The following ATF7 variants were observed in gnomAD, a reference collection of about 807,000 sequenced individuals.
The protein encoded by ATF7 is cyclic AMP-dependent transcription factor ATF-7.
ATF7 carries 10 observed loss-of-function variants against 50.4 expected under a neutral mutation model. The ratio of observed to expected loss-of-function variants is 0.20; its 90% CI spans 0.12 to 0.34. The LOEUF is 0.34. Ranked by LOEUF, ATF7 falls within the 10% of genes least tolerant of loss-of-function variation. The pLI is 1.00. For synonymous variants in ATF7, 201 were observed against 226.4 expected, an observed-to-expected ratio of 0.89 and a Z score of 1.01; for missense variants, 465 against 613.9, an observed-to-expected ratio of 0.76 and a Z score of 2.56.
At chr12:53,556,056 T>TCCAC (rs1940733059) in intron 2 of ATF7, among the ~76,000 whole-genome samples, 1 of 152,108 alleles carries the variant, frequency 6.6e-6, no homozygotes, top group East Asian at 1.9e-4. Context: ...CCTCAGGTGA[T>TCCAC]CCACCCACCT....
At chr12:53,577,589 G>A (rs1413640385) in intron 2 of ATF7, among the ~76,000 whole-genome samples, 1 of 151,642 alleles carries the variant, frequency 6.6e-6, no homozygotes, top group East Asian at 1.9e-4. Flanking sequence ...AGTGGCGGGC[G>A]CCTGTAATCC....
At chr12:53,600,023 CAT>C (rs1943326738) in intron 2 of ATF7, among the ~76,000 whole-genome samples, 1 of 152,074 alleles carries the variant, frequency 6.6e-6, no homozygotes, top group South Asian at 2.1e-4. Flanking sequence ...ACAATATACA[CAT>C]ATGAATATAA....
intron 2 of ATF7, among the ~76,000 whole-genome samples, chr12:53,569,394 CTCTTA>C (rs1238376210): frequency 2.0e-5 from 3 of 152,196 alleles, no homozygotes; most frequent in Non-Finnish European, 4.4e-5. Flanking sequence ...ATCTGCTATT[CTCTTA>C]TATGTGGAAT....
At chr12:53,509,400 G>A (rs1272384402), downstream of ATF7, among the ~76,000 whole-genome samples, 4 of 152,030 alleles carry the variant, frequency 2.6e-5, no homozygotes, top group Admixed American at 6.6e-5. Context: ...ACTTCTACTC[G>A]GGGTCTTAGT....
At chr12:53,523,552 C>T (rs1231377026) in intron 10 of ATF7, among the ~76,000 whole-genome samples, 168 bp from the exon 11 acceptor site, 1 of 152,150 alleles carries the variant, frequency 6.6e-6, no homozygotes, top group Admixed American at 6.5e-5. Flanking sequence ...CCAGTATAGT[C>T]ATGAATTCAA....
intron 1 of ATF7, among the ~76,000 whole-genome samples, chr12:53,614,069 A>G (rs1399723994): frequency 2.0e-5 from 3 of 152,170 alleles, no homozygotes; most frequent in African/African-American, 7.2e-5. Context: ...ATTAGGCTGA[A>G]TCATAAGTTA....
intron 2 of ATF7, among the ~76,000 whole-genome samples, chr12:53,568,296 G>T (rs1941561371): frequency 6.6e-6 from 1 of 152,076 alleles, no homozygotes; most frequent in Non-Finnish European, 1.5e-5. Flanking sequence ...ATATATAACT[G>T]GAAGGTGAGG....
At chr12:53,531,938 T>G (rs1333433416) in intron 8 of ATF7, 42 bp from the exon 9 acceptor site, 1 of 1,606,924 alleles carries the variant, frequency 6.2e-7, no homozygotes. Flanking sequence ...AAGGATCAGA[T>G]TCTATCAAGG....
At chr12:53,565,009 T>C (rs1386676036) in intron 2 of ATF7, among the ~76,000 whole-genome samples, 1 of 151,832 alleles carries the variant, frequency 6.6e-6, no homozygotes, top group Non-Finnish European at 1.5e-5. Flanking sequence ...TGTTTTACAT[T>C]ATACAGACCA....
At chr12:53,527,206 A>T (rs747847776) in intron 9 of ATF7, among the ~76,000 whole-genome samples, 1 of 147,422 alleles carries the variant, frequency 6.8e-6, no homozygotes, top group Non-Finnish European at 1.5e-5. Context: ...ATGTGAGGCC[A>T]GGCGCAGTGG....
intron 2 of ATF7, among the ~76,000 whole-genome samples, chr12:53,595,718 T>C (rs1943124140): frequency 6.6e-6 from 1 of 152,176 alleles, no homozygotes; most frequent in Non-Finnish European, 1.5e-5. Flanking sequence ...ATTCCTATTA[T>C]ATGACAAGAT....
chr12:53,511,100 CTT>C (rs1944119163), downstream of ATF7, among the ~76,000 whole-genome samples: 1 of 152,224 alleles, frequency 6.6e-6, no homozygotes, highest in Non-Finnish European at 1.5e-5. Flanking sequence ...CCTGCTATCT[CTT>C]TTGTCAAATT....
intron 9 of ATF7, among the ~76,000 whole-genome samples, chr12:53,528,694 C>T (rs1358712982): frequency 6.6e-6 from 1 of 151,552 alleles, no homozygotes; most frequent in Non-Finnish European, 1.5e-5. Context: ...ACCAGGGAGG[C>T]GGAGGTTGCA....
Position 53,517,321 on chromosome 12 carries a change from G to T in ATF7, c.1268C>A (p.Ser423Tyr), listed in dbSNP as rs757702111. Residue 423 changes from serine to tyrosine, a missense_variant, in exon 12 of 12, where the codon TCT (serine) becomes TAT (tyrosine). Ser to Tyr is a moderately radical substitution (Grantham distance 144). Transcript: ENST00000420353. ...GCTGTGCTGAATCACAGGGGCTGGAGAACCCGTTGGCTCTGAGCTTTCCTT... is the reference window on the plus strand; with the variant it reads ...GCTGTGCTGAATCACAGGGGCTGGATAACCCGTTGGCTCTGAGCTTTCCTT... ...SPKESSEPTG[S>Y]PAPVIQHSSA... 5.0e-6 allele frequency: 8 copies of T among 1,613,824 alleles called. No individual in the cohort carries two copies. Among genetic ancestry groups the T allele is most frequent in the Non-Finnish European group, 6.8e-6 (8 of 1,179,902 alleles).
chr12:53,578,266 T>C (rs1178586343), intron 2 of ATF7, among the ~76,000 whole-genome samples: 1 of 149,874 alleles, frequency 6.7e-6, no homozygotes, highest in Admixed American at 6.8e-5. Flanking sequence ...CCTAGCTATT[T>C]GGGAGGCTGA....
At chr12:53,598,708 A>G (rs1167349543) in intron 2 of ATF7, among the ~76,000 whole-genome samples, 1 of 152,198 alleles carries the variant, frequency 6.6e-6, no homozygotes, top group Non-Finnish European at 1.5e-5. Flanking sequence ...AGACAGCCTG[A>G]AAAGGTGTTA....
intron 9 of ATF7, among the ~76,000 whole-genome samples, chr12:53,529,909 C>G (rs1238529129): frequency 2.0e-5 from 3 of 148,970 alleles, no homozygotes; most frequent in African/African-American, 7.4e-5. Context: ...CCTGGCTAAT[C>G]TTTGTATTTT....
At chr12:53,549,294 A>T (rs1191449527) in intron 3 of ATF7, among the ~76,000 whole-genome samples, 1 of 147,038 alleles carries the variant, frequency 6.8e-6, no homozygotes, top group Admixed American at 6.9e-5. Context: ...CTCAAAAAAA[A>T]AAAAGAAAGA....
chr12:53,595,037 A>T (rs1943097418), intron 2 of ATF7, among the ~76,000 whole-genome samples: 1 of 152,240 alleles, frequency 6.6e-6, no homozygotes, highest in Non-Finnish European at 1.5e-5. Context: ...AATAAGGTTT[A>T]GCATTTGGCC....
Sources: gnomAD v4.1 joint callset for allele counts (sites outside exome capture counted in the v4.1 genomes callset) on GRCh38, gnomAD v4.1.1 for gene constraint, MANE v1.5 for transcripts, NCBI Gene and HGNC (gene_info 2026-07-23, HGNC 2026-07-21) for gene names.